Variants in BTK observed in about 807,000 individuals in gnomAD.
The protein encoded by BTK is tyrosine-protein kinase BTK.
A neutral mutation model predicts 57.4 loss-of-function variants in BTK; 5 were observed. The ratio of observed to expected loss-of-function variants is 0.09; its 90% CI spans 0.05 to 0.18. The LOEUF is 0.18. Among genes scored for constraint, BTK ranks in the 10% least tolerant of loss-of-function variants. BTK has a pLI of 1.00. For missense variants in BTK, 194 were observed against 501.2 expected (o/e 0.39, Z 5.85); for synonymous variants, 154 against 174.3 (o/e 0.88, Z 0.92).
Position 101,354,003 on chromosome X carries a change from G to C in BTK, c.1632-15C>G. The stretch of plus-strand genomic sequence containing the variant: ...CCAGGACATACCTGCAAGGGATTCA[G>C]GACTTGTTGCATTAGGATTTGGAGG... On this transcript the variant is annotated splice_polypyrimidine_tract_variant and intron_variant, in intron 16 of 18. Transcript: ENST00000308731. The C allele has an allele frequency of 8.8e-7, 1 of 1,131,293 alleles. No homozygotes were observed. Among genetic ancestry groups the C allele is most frequent in the Non-Finnish European group, 1.2e-6 (1 of 821,880 alleles). The allele number at this position is 1,131,293 out of a possible 1,213,427, so 93.2% of individuals were successfully genotyped here.
At chrX:101,359,500 T>C (rs1291881207) in intron 9 of BTK, among the ~76,000 whole-genome samples, 153 bp from the exon 10 acceptor site, 2 of 111,675 alleles carry the variant, frequency 1.8e-5, no homozygotes, top group Non-Finnish European at 1.9e-5. Context: ...ACTGTATCCC[T>C]TTCCCAAACC....
intron 5 of BTK, among the ~76,000 whole-genome samples, chrX:101,367,101 G>A (rs977756874): frequency 1.5e-4 from 16 of 109,181 alleles, no homozygotes; most frequent in African/African-American, 5.4e-4. Context: ...AAAATTAGCC[G>A]GGCATGATGG....
chrX:101,366,786 G>T (rs893304572), intron 5 of BTK, among the ~76,000 whole-genome samples: 4 of 112,126 alleles, frequency 3.6e-5, no homozygotes, highest in African/African-American at 1.3e-4. Flanking sequence ...AGAAGGCAAA[G>T]ATGTGCCTAG....
intron 5 of BTK, among the ~76,000 whole-genome samples, chrX:101,366,138 G>A (rs1393090075): frequency 9.0e-6 from 1 of 111,614 alleles, no homozygotes; most frequent in Non-Finnish European, 1.9e-5. Context: ...TGGGCGTGGT[G>A]GTGAGCGCCT....
Position 101,356,828 on chromosome X carries a change from G to A in BTK, c.1305C>T (p.Gly435=). Residue 435 remains glycine (G), a synonymous_variant, in exon 14 of 19, where the codon GGC becomes GGT. Coordinates refer to ENST00000308731, the MANE Select transcript of BTK (RefSeq NM_000061.3). ...YDVAIKMIKE[G]SMSEDEFIEE... The stretch of plus-strand genomic sequence containing the variant: ...CAATGAATTCATCTTCAGACATGGA[G>A]CCTTCTTTGATCATCTTGATGGCCA... 8.3e-7 allele frequency: 1 copy of A among 1,211,639 alleles called. No homozygotes were observed. The highest frequency in any genetic ancestry group is 1.1e-6 in the Non-Finnish European group (1 of 895,493).
intron 5 of BTK, among the ~76,000 whole-genome samples, chrX:101,368,204 A>G (rs1326526647): frequency 8.9e-6 from 1 of 112,364 alleles, no homozygotes; most frequent in Non-Finnish European, 1.9e-5. Context: ...TATGTAAAGA[A>G]CTTAAAGAAG....
upstream of BTK, among the ~76,000 whole-genome samples, chrX:101,387,848 A>G (rs368041055): frequency 7.7e-5 from 8 of 103,490 alleles, no homozygotes; most frequent in Middle Eastern, 5.0e-3. Context: ...ACAGGCATTC[A>G]TCTTCCCTCC....
At chrX:101,381,908 T>C (rs1213650667) in intron 1 of BTK, among the ~76,000 whole-genome samples, 1 of 108,669 alleles carries the variant, frequency 9.2e-6, no homozygotes, top group Non-Finnish European at 1.9e-5. Context: ...GGCGCGCACC[T>C]GTAATCCCAG....
chrX:101,368,791 C>T (rs1926936640), intron 5 of BTK, among the ~76,000 whole-genome samples: 1 of 112,402 alleles, frequency 8.9e-6, no homozygotes, highest in Non-Finnish European at 1.9e-5. Flanking sequence ...CTTCGTTCCT[C>T]CTGTTCCCTT....
intron 15 of BTK, among the ~76,000 whole-genome samples, chrX:101,355,235 C>T (rs1555977695): frequency 8.9e-6 from 1 of 112,358 alleles, no homozygotes; most frequent in African/African-American, 3.2e-5. Context: ...CGAGATGGTG[C>T]CATTGCACTC....
intron 15 of BTK, 21 bp from the exon 16 acceptor site, chrX:101,354,715 A>G: frequency 8.3e-7 from 1 of 1,201,089 alleles, no homozygotes; most frequent in Non-Finnish European, 1.1e-6. Context: ...AACAGAGACC[A>G]GTGAGACTCC....
At chrX:101,382,535 C>T (rs372467280) in intron 1 of BTK, among the ~76,000 whole-genome samples, 3 of 110,441 alleles carry the variant, frequency 2.7e-5, no homozygotes, top group African/African-American at 9.9e-5. Context: ...GCCACCGCGC[C>T]TGGCCTTATG....
chrX:101,350,828 C>A (rs1926263890), intron 18 of BTK, among the ~76,000 whole-genome samples: 1 of 111,673 alleles, frequency 9.0e-6, no homozygotes, highest in Non-Finnish European at 1.9e-5. Flanking sequence ...AACATTCATG[C>A]CAGAATGCTC....
intron 1 of BTK, among the ~76,000 whole-genome samples, chrX:101,385,195 A>T (rs782157594): frequency 2.7e-5 from 3 of 111,592 alleles, no homozygotes; most frequent in Non-Finnish European, 5.6e-5. Flanking sequence ...TGCTAACTGT[A>T]TGTCAGGGTC....
intron 9 of BTK, 53 bp downstream of exon 9, chrX:101,360,035 T>TAGAG: frequency 4.0e-5 from 20 of 503,840 alleles, no homozygotes; most frequent in Admixed American, 3.3e-4. Context: ...TATATATATA[T>TAGAG]AGAGAGAGAG....
intron 4 of BTK, among the ~76,000 whole-genome samples, chrX:101,371,076 C>T (rs1555980221): frequency 8.9e-6 from 1 of 112,226 alleles, no homozygotes; most frequent in African/African-American, 3.2e-5. Context: ...CTGCTATATT[C>T]ACGACATGTG....
chrX:101,369,973 C>T, intron 5 of BTK, 25 bp downstream of exon 5: 2 of 1,172,124 alleles, frequency 1.7e-6, no homozygotes, highest in Non-Finnish European at 2.3e-6. Flanking sequence ...TCTTTGGAAA[C>T]ATTTATTTTC....
At chrX:101,390,737 T>C, upstream of BTK, 1 of 457,271 alleles carries the variant, frequency 2.2e-6, no homozygotes, top group Non-Finnish European at 3.8e-6. Flanking sequence ...GGAAAAACAC[T>C]GCTCCCTTCA....
intron 5 of BTK, among the ~76,000 whole-genome samples, chrX:101,369,286 C>A (rs782693251): frequency 2.7e-5 from 3 of 112,262 alleles, no homozygotes; most frequent in African/African-American, 9.7e-5. Context: ...TTCATTTGAT[C>A]CTTACAACAA....
Sources: allele counts gnomAD v4.1 joint callset (sites outside exome capture counted in the v4.1 genomes callset), GRCh38; gene constraint gnomAD v4.1.1; transcripts MANE v1.5; gene names NCBI Gene and HGNC (gene_info 2026-07-23, HGNC 2026-07-21).